The following PLD5 variants were observed in gnomAD, a reference collection of about 807,000 sequenced individuals.
PLD5 encodes phospholipase D family member 5.
PLD5 carries 36 observed loss-of-function variants against 61.1 expected under a neutral mutation model. That is an observed-to-expected ratio of 0.59 (90% CI 0.45 to 0.78). The LOEUF (loss-of-function observed/expected upper bound fraction) is 0.78. Among genes scored for constraint, PLD5 ranks in the 30% least tolerant of loss-of-function variants. The probability of loss-of-function intolerance (pLI) is 0.00; values close to 1 mark genes in which losing one functional copy is unlikely to be tolerated. For missense variants in PLD5, 515 were observed against 644.4 expected, an observed-to-expected ratio of 0.80 and a Z score of 2.17; for synonymous variants, 243 against 242.8, an observed-to-expected ratio of 1.00 and a Z score of -0.01.
chr1:242,416,091 T>C (rs1664820431), intron 1 of PLD5, among the ~76,000 whole-genome samples: 2 of 152,036 alleles, frequency 1.3e-5, no homozygotes, highest in South Asian at 2.1e-4. Context: ...GGTGGCAGTA[T>C]TGGCTACTGT....
intron 1 of PLD5, among the ~76,000 whole-genome samples, chr1:242,423,355 T>G (rs1025916977): frequency 3.3e-5 from 5 of 151,946 alleles, no homozygotes; most frequent in African/African-American, 1.2e-4. Flanking sequence ...TGAGATGGGG[T>G]ACATGGATAA....
intron 1 of PLD5, among the ~76,000 whole-genome samples, chr1:242,399,215 C>T (rs1344248858): frequency 6.6e-6 from 1 of 152,180 alleles, no homozygotes; most frequent in African/African-American, 2.4e-5. Context: ...ATAGTAGGGG[C>T]TCAATACACA....
chr1:242,383,054 C>T (rs1662390487), intron 1 of PLD5, among the ~76,000 whole-genome samples: 2 of 152,032 alleles, frequency 1.3e-5, no homozygotes, highest in Non-Finnish European at 2.9e-5. Flanking sequence ...TGTAGATCTA[C>T]TACATCATTC....
At chr1:242,396,135 A>G (rs1173090143) in intron 1 of PLD5, among the ~76,000 whole-genome samples, 1 of 152,172 alleles carries the variant, frequency 6.6e-6, no homozygotes, top group Non-Finnish European at 1.5e-5. Flanking sequence ...CTGGGATGAA[A>G]TAGCAGAGAG....
chr1:242,490,144 T>A (rs1368145711), intron 1 of PLD5, among the ~76,000 whole-genome samples: 2 of 152,214 alleles, frequency 1.3e-5, no homozygotes, highest in Non-Finnish European at 2.9e-5. Flanking sequence ...ATGCCCATCA[T>A]CAAAGAATGA....
intron 5 of PLD5, among the ~76,000 whole-genome samples, chr1:242,134,915 G>A (rs571824071): frequency 1.3e-5 from 2 of 152,278 alleles, no homozygotes; most frequent in Admixed American, 6.5e-5. Context: ...TGGTCTGGAC[G>A]ACCACTGGGC....
chr1:242,143,082 C>T (rs2148795532), intron 5 of PLD5, among the ~76,000 whole-genome samples: 1 of 151,244 alleles, frequency 6.6e-6, no homozygotes, highest in South Asian at 2.1e-4. Context: ...GGCTGGAGTA[C>T]AGTGGTGCCA....
chr1:242,173,937 T>C (rs1666940119), intron 5 of PLD5, among the ~76,000 whole-genome samples: 1 of 152,130 alleles, frequency 6.6e-6, no homozygotes, highest in Non-Finnish European at 1.5e-5. Context: ...TCTAAAACCA[T>C]AAAAACCCTA....
At chr1:242,345,827 T>C (rs1258729974) in intron 2 of PLD5, 2 of 388,994 alleles carry the variant, frequency 5.1e-6, no homozygotes, top group East Asian at 4.5e-5. Context: ...ATCCTGTGCA[T>C]TGGAGAGAAG....
intron 5 of PLD5, among the ~76,000 whole-genome samples, chr1:242,176,423 A>G (rs1667150638): frequency 6.6e-6 from 1 of 152,228 alleles, no homozygotes; most frequent in Non-Finnish European, 1.5e-5. Context: ...TATAGTTTAT[A>G]CAAAAATTAA....
chr1:242,334,729 TCTGA>T (rs756636784), intron 2 of PLD5, among the ~76,000 whole-genome samples: 13 of 152,158 alleles, frequency 8.5e-5, no homozygotes, highest in Non-Finnish European at 1.8e-4. Context: ...ACCTCCCTTA[TCTGA>T]CTAAGAGCAG....
intron 5 of PLD5, among the ~76,000 whole-genome samples, chr1:242,163,744 A>G (rs1666078903): frequency 6.6e-6 from 1 of 152,002 alleles, no homozygotes; most frequent in African/African-American, 2.4e-5. Context: ...AGAAAGAAAA[A>G]GGTGAAAGGA....
intron 5 of PLD5, among the ~76,000 whole-genome samples, chr1:242,187,086 A>G (rs918690520): frequency 6.6e-6 from 1 of 152,242 alleles, no homozygotes; most frequent in African/African-American, 2.4e-5. Context: ...TGGTTGATCC[A>G]GCATCTGGCC....
chr1:242,507,252 T>C (rs994227126), intron 1 of PLD5, among the ~76,000 whole-genome samples: 11 of 152,240 alleles, frequency 7.2e-5, no homozygotes, highest in African/African-American at 2.7e-4. Flanking sequence ...GGATTTAATG[T>C]ATTTGGTCTA....
chr1:242,412,642 G>A (rs900385883), intron 1 of PLD5, among the ~76,000 whole-genome samples: 2 of 152,130 alleles, frequency 1.3e-5, no homozygotes, highest in African/African-American at 4.8e-5. Context: ...GTTGTTATTT[G>A]TATCAAGGGT....
At chr1:242,265,713 A>G (rs1673632835) in intron 3 of PLD5, among the ~76,000 whole-genome samples, 1 of 152,198 alleles carries the variant, frequency 6.6e-6, no homozygotes, top group Non-Finnish European at 1.5e-5. Flanking sequence ...TACAATGCAA[A>G]TCTACCCTTT....
intron 1 of PLD5, among the ~76,000 whole-genome samples, chr1:242,437,434 C>A (rs570577076): frequency 6.6e-6 from 1 of 152,256 alleles, no homozygotes; most frequent in East Asian, 1.9e-4. Context: ...TGGTGGCTCA[C>A]ACCTGTAATC....
At chr1:242,223,226 G>T (rs1032531651) in intron 4 of PLD5, among the ~76,000 whole-genome samples, 10 of 152,164 alleles carry the variant, frequency 6.6e-5, no homozygotes, top group Admixed American at 2.0e-4. Flanking sequence ...TGAGGGTTTT[G>T]CTGCTTTCCT....
chr1:242,522,043 G>A (rs544716508), intron 1 of PLD5, among the ~76,000 whole-genome samples: 3 of 151,882 alleles, frequency 2.0e-5, no homozygotes, highest in Non-Finnish European at 2.9e-5. Flanking sequence ...AAAAATGTTC[G>A]TGATGTTTCA....
Sources: gnomAD v4.1 joint callset for allele counts (sites outside exome capture counted in the v4.1 genomes callset) on GRCh38, gnomAD v4.1.1 for gene constraint, MANE v1.5 for transcripts, NCBI Gene and HGNC (gene_info 2026-07-23, HGNC 2026-07-21) for gene names.